Variants in CAPN13 observed in about 807,000 individuals in gnomAD.
CAPN13 encodes calpain 13.
In CAPN13, 90 loss-of-function variants were observed where a neutral mutation model predicts 98.4. The ratio of observed to expected loss-of-function variants is 0.92; its 90% confidence interval spans 0.77 to 1.09. CAPN13 has a LOEUF of 1.09. Ranked by LOEUF, CAPN13 falls within the 50% of genes least tolerant of loss-of-function variation. CAPN13 has a pLI of 0.00. For synonymous variants in CAPN13, 330 were observed against 305.5 expected, an observed-to-expected ratio of 1.08 and a Z score of -0.84; for missense variants, 887 against 841.3, an observed-to-expected ratio of 1.05 and a Z score of -0.67.
chr2:30,803,728 A>G (rs1675433716), intron 1 of CAPN13, among the ~76,000 whole-genome samples: 2 of 152,172 alleles, frequency 1.3e-5, no homozygotes, highest in African/African-American at 4.8e-5. Context: ...TCATAACCCT[A>G]CAACATGTAT....
At chr2:30,735,511 C>G (rs1161435790) in intron 18 of CAPN13, among the ~76,000 whole-genome samples, 1 of 152,178 alleles carries the variant, frequency 6.6e-6, no homozygotes, top group Non-Finnish European at 1.5e-5. Flanking sequence ...TTCGGAATTT[C>G]TTCAGTCATT....
chr2:30,782,022 T>C (rs1214073825), intron 2 of CAPN13, among the ~76,000 whole-genome samples: 1 of 152,130 alleles, frequency 6.6e-6, no homozygotes, highest in Non-Finnish European at 1.5e-5. Context: ...TGGAGACCTT[T>C]CTCCAGGCAA....
At chr2:30,797,774 C>A (rs1674961620) in intron 1 of CAPN13, among the ~76,000 whole-genome samples, 1 of 152,216 alleles carries the variant, frequency 6.6e-6, no homozygotes, top group South Asian at 2.1e-4. Flanking sequence ...AGACTGTCAT[C>A]TCCTCTACCT....
At chr2:30,737,775 A>AAGGGG (rs1671447540) in intron 17 of CAPN13, 1 of 166,712 alleles carries the variant, frequency 6.0e-6, no homozygotes, top group Non-Finnish European at 1.3e-5. Context: ...CGGTGCTATA[A>AAGGGG]AGGGGCGGTT....
chr2:30,791,634 A>G (rs781334504), intron 1 of CAPN13, among the ~76,000 whole-genome samples: 54 of 152,346 alleles, frequency 3.5e-4, no homozygotes, highest in Non-Finnish European at 7.1e-4. Context: ...TTTATTGGAG[A>G]ACTTTTATTA....
chr2:30,736,233 G>A (rs1269565457), intron 18 of CAPN13, among the ~76,000 whole-genome samples: 2 of 148,788 alleles, frequency 1.3e-5, no homozygotes, highest in Non-Finnish European at 3.0e-5. Flanking sequence ...GGGGGTGGGG[G>A]CAGATGCTAG....
At chr2:30,738,330 CA>C in intron 16 of CAPN13, 37 bp from the exon 17 acceptor site, 1 of 1,613,528 alleles carries the variant, frequency 6.2e-7, no homozygotes, top group Non-Finnish European at 8.5e-7. Flanking sequence ...GAAGTGTTGA[CA>C]GTGGGGTGTG....
At position 30,731,451 on chromosome 2, in the gene CAPN13, C is replaced by A. The variant is rs150994700; in HGVS notation, c.1928-52G>T. On this transcript the variant is annotated intron_variant, in intron 20 of 22. Transcript: ENST00000295055. ...CTGACTGAGGAGGAAGGAATCCAGG[C>A]AGTTCAGGGGAGGCAGGCCTGGGCC... 5.6e-4 allele frequency: 863 copies of A among 1,541,574 alleles called. 3 individuals are homozygous for A. The African/African-American group carries it at 0.011, about 19-fold the overall frequency.
intron 19 of CAPN13, among the ~76,000 whole-genome samples, 191 bp from the exon 20 acceptor site, chr2:30,732,757 G>A (rs1013967950): frequency 6.6e-6 from 1 of 152,128 alleles, no homozygotes; most frequent in Non-Finnish European, 1.5e-5. Flanking sequence ...CTGGAGTCTG[G>A]CCAGAGACCA....
chr2:30,787,505 G>C, intron 1 of CAPN13, 148 bp from the exon 2 acceptor site: 1 of 567,956 alleles, frequency 1.8e-6, no homozygotes, highest in East Asian at 3.0e-5. Context: ...CAGTCAGTGA[G>C]CCTGAACTAG....
chr2:30,742,008 G>A, intron 14 of CAPN13, 44 bp from the exon 15 acceptor site: 1 of 1,569,880 alleles, frequency 6.4e-7, no homozygotes, highest in Non-Finnish European at 8.8e-7. Flanking sequence ...TCTGGGGAAG[G>A]AGGCCACCCA....
In CAPN13 at chr2:30,764,259, G is replaced by A. The variant is rs761586224; in HGVS notation, c.572C>T (p.Ala191Val). The A allele has an allele frequency of 6.2e-7, 1 of 1,613,730 alleles. No homozygotes were observed. Among genetic ancestry groups the A allele is most frequent in the Non-Finnish European group, 8.5e-7 (1 of 1,179,826 alleles). Residue 191 changes from alanine to valine, a missense_variant, in exon 6 of 23, where the codon GCC becomes GTC. Coordinates refer to ENST00000295055, the MANE Select transcript of CAPN13 (RefSeq NM_144575.3). Reference protein sequence around the residue: ...SDLHYGFLEDALVDLTGGVIT... With the variant: ...SDLHYGFLEDVLVDLTGGVIT... ...CACGCCTCCTGTGAGGTCCACCAGG[G>A]CATCCTCGAGGAAGCCATAGTGCAG...
At chr2:30,745,314 T>A (rs1671850341) in intron 12 of CAPN13, 2 of 482,742 alleles carry the variant, frequency 4.1e-6, no homozygotes. Flanking sequence ...GGATGTACCT[T>A]GAAGCTGCAT....
Position 30,730,794 on chromosome 2 carries a change from A to G in CAPN13, c.1984-8T>C. 2.6e-6 allele frequency: 2 copies of G among 780,846 alleles called. No individual in the cohort carries two copies. The highest frequency in any genetic ancestry group is 4.8e-6 in the Non-Finnish European group (2 of 417,976). The allele number at this position is 780,846 out of a possible 1,614,324, so 48.4% of individuals were successfully genotyped here. ...CATGACCAGGCTCATCCACTGAAAA[A>G]TAAGCATCATCATTACAACAATTCT... On this transcript the variant is annotated splice_region_variant and splice_polypyrimidine_tract_variant and intron_variant, in intron 21 of 22. Transcript: ENST00000295055.
chr2:30,771,903 A>T (rs987912514), intron 4 of CAPN13, among the ~76,000 whole-genome samples: 1 of 152,244 alleles, frequency 6.6e-6, no homozygotes, highest in East Asian at 1.9e-4. Flanking sequence ...GAGATTATGA[A>T]AACAAGATTG....
rs116151277 is a variant in CAPN13 at position 30,790,275 on chromosome 2, C to T, written c.-32-2918G>A. Reference sequence around the variant, plus strand: ...TTCTTTCCTCTCTTCTCTACCCAATCTGTCTCACTTTGCAGGGTAGCCAAA... The same window carrying T: ...TTCTTTCCTCTCTTCTCTACCCAATTTGTCTCACTTTGCAGGGTAGCCAAA... On this transcript the variant is annotated intron_variant, in intron 1 of 22. Coordinates refer to ENST00000295055, the MANE Select transcript of CAPN13 (RefSeq NM_144575.3). 5.1e-3 allele frequency among the ~76,000 whole-genome samples: 783 copies of T among 152,276 alleles called. 7 individuals carry two copies. Among genetic ancestry groups the T allele is most frequent in the African/African-American group, 0.018 (744 of 41,536 alleles).
chr2:30,751,529 G>A (rs1398541200), intron 10 of CAPN13, among the ~76,000 whole-genome samples: 1 of 152,214 alleles, frequency 6.6e-6, no homozygotes, highest in Non-Finnish European at 1.5e-5. Flanking sequence ...AATGATAAGT[G>A]AAATTCCAGA....
Position 30,743,072 on chromosome 2 carries a change from T to G in CAPN13, c.1445+311A>C. On this transcript the variant is annotated intron_variant, in intron 13 of 22. Coordinates refer to ENST00000295055, the MANE Select transcript of CAPN13 (RefSeq NM_144575.3). ...CCCTTTTAAACTATTAAATTATGTT[T>G]TTCTTCAAAGCCCAGCTCACGTGTC... The G allele has an allele frequency of 8.1e-6, 3 of 368,616 alleles. No individual in the cohort carries two copies. In the South Asian group the frequency reaches 1.1e-4, roughly 14 times the overall value. 22.8% of individuals were successfully genotyped at this position (368,616 alleles called of 1,614,324 possible). A position where few individuals can be genotyped will look rare whatever the true frequency, so the allele number is the denominator to read the frequency against.
rs1674329821 is a variant in CAPN13, at chr2:30,787,149, A to G, written c.177T>C (p.Asn59=). The G allele has an allele frequency of 3.8e-6, 6 of 1,573,154 alleles. No individual in the cohort carries two copies. The highest frequency in any genetic ancestry group is 2.3e-5 in the East Asian group (1 of 42,742). ...QKLLQEKRLS[N]VIWKRPQDLP... Reference sequence around the variant, plus strand: ...TCACCTGTGGCCGCTTCCATATCACATTGGAGAGGCGTTTTTCCTGGAGCA... The same window carrying G: ...TCACCTGTGGCCGCTTCCATATCACGTTGGAGAGGCGTTTTTCCTGGAGCA... Residue 59 remains asparagine, a synonymous_variant, in exon 2 of 23, where the codon AAT becomes AAC. Transcript: ENST00000295055.
Sources: gnomAD v4.1 joint callset for allele counts (sites outside exome capture counted in the v4.1 genomes callset) on GRCh38, gnomAD v4.1.1 for gene constraint, MANE v1.5 for transcripts, NCBI Gene and HGNC (gene_info 2026-07-23, HGNC 2026-07-21) for gene names.